C9orf153: variants seen among roughly 807,000 people sequenced by gnomAD.
C9orf153 encodes the protein chromosome 9 open reading frame 153.
In C9orf153, 10 loss-of-function variants were observed where a neutral mutation model predicts 9.0. The ratio of observed to expected loss-of-function variants is 1.11; its 90% CI spans 0.69 to 1.89. C9orf153 has a LOEUF of 1.89. C9orf153 is among the 40% of genes most tolerant of loss of function. C9orf153 has a pLI of 0.00. For missense variants in C9orf153, 108 were observed against 111.0 expected (o/e 0.97, Z 0.12); for synonymous variants, 35 against 37.3 (o/e 0.94, Z 0.23).
At chr9:86,227,656 G>A (rs747049916) in intron 3 of C9orf153, 199 bp downstream of exon 3, 18 of 985,200 alleles carry the variant, frequency 1.8e-5, no homozygotes, top group Middle Eastern at 5.2e-4. Context: ...CCTTCTGTAC[G>A]GTAACTTGGG....
intron 1 of C9orf153, among the ~76,000 whole-genome samples, chr9:86,241,137 A>G (rs1443712403): frequency 6.6e-6 from 1 of 151,990 alleles, no homozygotes; most frequent in African/African-American, 2.4e-5. Context: ...TGCTTTTCTT[A>G]CTAATGATGG....
intron 3 of C9orf153, among the ~76,000 whole-genome samples, chr9:86,226,497 A>T (rs1254001644): frequency 2.0e-5 from 3 of 151,704 alleles, no homozygotes; most frequent in Admixed American, 6.6e-5. Flanking sequence ...AATTTTTAAA[A>T]TTTTTTTGTA....
intron 1 of C9orf153, among the ~76,000 whole-genome samples, chr9:86,249,642 G>A (rs1353028750): frequency 2.7e-5 from 4 of 150,810 alleles, no homozygotes; most frequent in Non-Finnish European, 5.9e-5. Flanking sequence ...TCCATCTCCC[G>A]AGTTCAAGCA....
At chr9:86,233,559 G>A (rs1176585266) in intron 1 of C9orf153, among the ~76,000 whole-genome samples, 1 of 152,024 alleles carries the variant, frequency 6.6e-6, no homozygotes, top group African/African-American at 2.4e-5. Flanking sequence ...TGGGATTACA[G>A]GGATGTGCCA....
chr9:86,234,485 G>A (rs954036877), intron 1 of C9orf153, among the ~76,000 whole-genome samples: 2 of 152,176 alleles, frequency 1.3e-5, no homozygotes, highest in Admixed American at 1.3e-4. Flanking sequence ...TTCAATAAAT[G>A]GTGCTGGGAC....
intron 1 of C9orf153, among the ~76,000 whole-genome samples, chr9:86,245,358 G>A (rs1824842277): frequency 6.6e-6 from 1 of 152,176 alleles, no homozygotes; most frequent in South Asian, 2.1e-4. Flanking sequence ...CGCATCTCCA[G>A]AAGCCTTTCA....
chr9:86,256,990 GT>G (rs1284733408), intron 1 of C9orf153, among the ~76,000 whole-genome samples: 1 of 152,066 alleles, frequency 6.6e-6, no homozygotes, highest in Non-Finnish European at 1.5e-5. Flanking sequence ...GGGAAACCTT[GT>G]CTCAACAAGA....
At chr9:86,253,833 T>C (rs958544224) in intron 1 of C9orf153, among the ~76,000 whole-genome samples, 1 of 152,190 alleles carries the variant, frequency 6.6e-6, no homozygotes, top group African/African-American at 2.4e-5. Context: ...GGCTCATGCC[T>C]GTAATCCCAG....
intron 1 of C9orf153, among the ~76,000 whole-genome samples, chr9:86,235,998 C>T (rs781353967): frequency 6.6e-5 from 10 of 151,774 alleles, no homozygotes; most frequent in South Asian, 2.1e-4. Context: ...GCATAAACCC[C>T]CCAAAACAAA....
chr9:86,252,298 T>G (rs947369823), intron 1 of C9orf153, among the ~76,000 whole-genome samples: 3 of 152,134 alleles, frequency 2.0e-5, no homozygotes, highest in African/African-American at 7.2e-5. Flanking sequence ...CCTCCCAAAT[T>G]GCTGGGATTA....
At chr9:86,251,009 T>C (rs1824982686) in intron 1 of C9orf153, among the ~76,000 whole-genome samples, 1 of 152,198 alleles carries the variant, frequency 6.6e-6, no homozygotes, top group Non-Finnish European at 1.5e-5. Flanking sequence ...TCCTCCTGCC[T>C]CGCCCTACCA....
intron 1 of C9orf153, among the ~76,000 whole-genome samples, chr9:86,244,470 TA>T (rs1824821102): frequency 6.6e-6 from 1 of 152,192 alleles, no homozygotes; most frequent in African/African-American, 2.4e-5. Flanking sequence ...ATCTCAAAGA[TA>T]ACACTGATTT....
At chr9:86,235,741 C>CA (rs60165641) in intron 1 of C9orf153, among the ~76,000 whole-genome samples, 3,120 of 22,082 alleles carry the variant, frequency 0.14, 948 homozygotes, top group Middle Eastern at 0.22. Context: ...GACTCCATCT[C>CA]AAAAAAAAAA....
In C9orf153 at chr9:86,220,463, C is replaced by A. The variant is rs1587792349; in HGVS notation, c.*1225G>T. On this transcript the variant is annotated 3_prime_UTR_variant, in exon 4 of 4. Coordinates refer to ENST00000339137, the MANE Select transcript of C9orf153 (RefSeq NM_001276366.4). ...TAACATTTTTATTTTACCCCCTACT[C>A]CTCAGAGAGAGTTTGGCTGCTTATA... is the stretch of plus-strand genomic sequence containing the variant. 2.0e-5 allele frequency: 3 copies of A among 152,068 alleles called. No homozygotes were observed. The highest frequency in any genetic ancestry group is 7.3e-5 in the African/African-American group (3 of 41,376). 9.4% of individuals were successfully genotyped at this position (152,068 alleles called of 1,614,324 possible). A position where few individuals can be genotyped will look rare whatever the true frequency, so the allele number is the denominator to read the frequency against.
chr9:86,246,122 A>T (rs1466770918), intron 1 of C9orf153, among the ~76,000 whole-genome samples: 2 of 152,216 alleles, frequency 1.3e-5, no homozygotes, highest in African/African-American at 4.8e-5. Context: ...ACAAAAGCAA[A>T]CATGATGGGG....
intron 1 of C9orf153, among the ~76,000 whole-genome samples, chr9:86,259,316 C>T (rs1440546275): frequency 6.6e-6 from 1 of 152,102 alleles, no homozygotes; most frequent in Non-Finnish European, 1.5e-5. Context: ...TCTGCAGGCT[C>T]GGCCCGATCA....
rs963011505 is a variant in C9orf153, at chr9:86,220,293, A to G, written c.*1395T>C. 2 of 152,254 alleles carry G rather than the reference A, an allele frequency of 1.3e-5. No homozygotes were observed. The highest frequency in any genetic ancestry group is 4.8e-5 in the African/African-American group (2 of 41,464). The allele number at this position is 152,254 out of a possible 1,614,324, so 9.4% of individuals were successfully genotyped here. On this transcript the variant is annotated 3_prime_UTR_variant, in exon 4 of 4. Coordinates refer to ENST00000339137, the MANE Select transcript of C9orf153 (RefSeq NM_001276366.4). Reference sequence around the variant, plus strand: ...GGAAATGTATTTTAATATCTACACAATCATACACACATATATTGTTAACAA... The same window carrying G: ...GGAAATGTATTTTAATATCTACACAGTCATACACACATATATTGTTAACAA...
At chr9:86,253,796 T>A (rs139572786) in intron 1 of C9orf153, among the ~76,000 whole-genome samples, 1 of 152,138 alleles carries the variant, frequency 6.6e-6, no homozygotes, top group African/African-American at 2.4e-5. Context: ...GCAAGTATAA[T>A]AAGACTACAA....
chr9:86,232,814 C>T (rs1824501179), intron 1 of C9orf153, among the ~76,000 whole-genome samples: 1 of 152,110 alleles, frequency 6.6e-6, no homozygotes, highest in South Asian at 2.1e-4. Context: ...CTCACTGCAA[C>T]CTCCAGTTCC....
Sources: allele counts gnomAD v4.1 joint callset (sites outside exome capture counted in the v4.1 genomes callset), GRCh38; gene constraint gnomAD v4.1.1; transcripts MANE v1.5; gene names NCBI Gene and HGNC (gene_info 2026-07-23, HGNC 2026-07-21).